Variants in KTN1 observed in about 807,000 individuals in gnomAD.
KTN1 encodes the protein kinectin.
A neutral mutation model predicts 222.5 loss-of-function variants in KTN1; 130 were observed. The observed-to-expected ratio is 0.58, with a 90% CI of 0.51 to 0.68. The LOEUF (loss-of-function observed/expected upper bound fraction) is 0.68, where lower values mean the gene tolerates loss of function less well. Among genes scored for constraint, KTN1 ranks in the 30% least tolerant of loss-of-function variants. The pLI, the probability that KTN1 is intolerant of heterozygous loss-of-function variation, is 0.00. For missense variants in KTN1, 1,508 were observed against 1,500.4 expected (o/e 1.01, Z -0.08); for synonymous variants, 512 against 496.3 (o/e 1.03, Z -0.42).
intron 18 of KTN1, among the ~76,000 whole-genome samples, chr14:55,645,384 C>T (rs576667602): frequency 6.6e-6 from 1 of 152,144 alleles, no homozygotes; most frequent in Non-Finnish European, 1.5e-5. Context: ...GAACCTGATG[C>T]AGCATGTGGG....
intron 33 of KTN1, 32 bp from the exon 34 acceptor site, chr14:55,667,209 G>T (rs774141667): frequency 3.2e-6 from 4 of 1,243,514 alleles, no homozygotes; most frequent in South Asian, 2.6e-5. Flanking sequence ...CTGTGATCTT[G>T]TAAGTTTGAT....
chr14:55,636,601 C>A, intron 10 of KTN1, 65 bp downstream of exon 10: 1 of 1,169,938 alleles, frequency 8.5e-7, no homozygotes, highest in Non-Finnish European at 1.2e-6. Context: ...CTCTCTCTTC[C>A]ATCTGTGAAG....
intron 41 of KTN1, among the ~76,000 whole-genome samples, chr14:55,677,473 TAAAAAAAAAAA>T (rs72424779): frequency 0.34 from 33,694 of 98,390 alleles, 4,221 homozygotes; most frequent in East Asian, 0.42. Flanking sequence ...AAAGACTGTC[TAAAAAAAAAAA>T]AAAAAAAAAA....
intron 5 of KTN1, among the ~76,000 whole-genome samples, chr14:55,621,303 C>T (rs1405081264): frequency 9.7e-6 from 1 of 103,288 alleles, no homozygotes; most frequent in Non-Finnish European, 1.8e-5. Flanking sequence ...CAAACTGTTC[C>T]AGCTCTGCCT....
At position 55,586,696 on chromosome 14, in the gene KTN1, A is replaced by G. The variant is rs556686646; in HGVS notation, c.-31+6342A>G. ...TTATAAGGATCCCCCTCCCCCCCAT[A>G]GGAATTAGAAGATTAATTCTTAAAA... On this transcript the variant is annotated intron_variant, in intron 1 of 43. Transcript: ENST00000395314. Among the ~76,000 whole-genome samples the G allele has an allele frequency of 1.1e-4, 16 of 152,192 alleles. No homozygotes were observed. In the South Asian group the frequency reaches 2.1e-3, roughly 20 times the overall value.
intron 2 of KTN1, among the ~76,000 whole-genome samples, chr14:55,614,564 CTT>C (rs1443771078): frequency 6.6e-6 from 1 of 152,086 alleles, no homozygotes; most frequent in African/African-American, 2.4e-5. Context: ...ACCAAGAACA[CTT>C]TTTGCATTTT....
rs758580975 is a variant in KTN1 at position 55,672,999 on chromosome 14, C to T, written c.3674C>T (p.Thr1225Ile). The change falls in exon 39 of 44, where the codon ACA becomes ATA. Residue 1225 changes from threonine to isoleucine, a missense_variant. Coordinates refer to ENST00000395314, the MANE Select transcript of KTN1 (RefSeq NM_001079521.2). ...GAGATGGAACGATCTACCTATGTTA[C>T]AGAAGTCAGAGAGGTACTTACAACA... ...KAEMERSTYVTEVRELKDLLT... is the reference protein window; with the variant it reads ...KAEMERSTYVIEVRELKDLLT... 3.1e-6 allele frequency: 5 copies of T among 1,611,060 alleles called. No individual in the cohort carries two copies. The East Asian group carries it at 1.1e-4, about 36-fold the overall frequency.
intron 14 of KTN1, 33 bp from the exon 15 acceptor site, chr14:55,640,341 A>T: frequency 7.5e-7 from 1 of 1,341,258 alleles, no homozygotes; most frequent in Non-Finnish European, 1.1e-6. Context: ...CAGTTGTATT[A>T]AGTATTTTAA....
intron 22 of KTN1, among the ~76,000 whole-genome samples, 195 bp downstream of exon 22, chr14:55,650,008 C>CA (rs543381605): frequency 1.2e-4 from 17 of 143,136 alleles, no homozygotes; most frequent in East Asian, 6.2e-4. Context: ...AAAAAAAAAA[C>CA]AAAAAAAAAC....
In KTN1 at chr14:55,633,354, A is replaced by G. The variant is rs761844779; in HGVS notation, c.1328+13A>G. On this transcript the variant is annotated intron_variant, in intron 8 of 43. Transcript: ENST00000395314. ...AACTGGAAAGCAAGTATGTTTCCAAATACCTTATTTTTTAATTGAATGGCA... is the reference window on the plus strand; with the variant it reads ...AACTGGAAAGCAAGTATGTTTCCAAGTACCTTATTTTTTAATTGAATGGCA... The G allele has an allele frequency of 1.4e-6, 2 of 1,423,554 alleles. No homozygotes were observed. The highest frequency in any genetic ancestry group is 1.9e-6 in the Non-Finnish European group (2 of 1,044,796). 88.2% of individuals were successfully genotyped at this position (1,423,554 alleles called of 1,614,324 possible). A position where few individuals can be genotyped will look rare whatever the true frequency, so the allele number is the denominator to read the frequency against.
intron 5 of KTN1, among the ~76,000 whole-genome samples, chr14:55,623,601 G>A (rs2039432949): frequency 6.6e-6 from 1 of 152,198 alleles, no homozygotes; most frequent in African/African-American, 2.4e-5. Flanking sequence ...AAGGTCCTGA[G>A]CTCAATCAGT....
Position 55,637,250 on chromosome 14 carries a change from T to A in KTN1, c.1602T>A (p.Ser534Arg). The A allele has an allele frequency of 6.2e-7, 1 of 1,611,406 alleles. No individual in the cohort carries two copies. The highest frequency in any genetic ancestry group is 8.5e-7 in the Non-Finnish European group (1 of 1,178,154). Residue 534 changes from serine to arginine, a missense_variant, in exon 11 of 44, where the codon AGT (serine) becomes AGA (arginine). By Grantham distance (110) the Ser-to-Arg change is moderately radical. Coordinates refer to ENST00000395314, the MANE Select transcript of KTN1 (RefSeq NM_001079521.2). ...AAAATGAAGTACAGAGTCTGCATAG[T>A]AAGCTTACAGATACCTTGGTATCAA... ...AKENEVQSLH[S>R]KLTDTLVSKQ...
At position 55,619,231 on chromosome 14, in the gene KTN1, G is replaced by GA. The variant is rs1237421978; in HGVS notation, c.883dup (p.Met295AsnfsTer4). 6.2e-7 allele frequency: 1 copy of GA among 1,607,984 alleles called. No individual in the cohort carries two copies. ...ATTTTCTTCTGTCCTTGAAGACTAT[G>GA]ATGTTTTCTGAAGATGAGGCTCTTT... On this transcript the variant is annotated frameshift_variant, in exon 5 of 44. Transcript: ENST00000395314. LOFTEE classifies it high-confidence loss of function.
At chr14:55,585,187 A>G (rs915138072) in intron 1 of KTN1, among the ~76,000 whole-genome samples, 4 of 151,002 alleles carry the variant, frequency 2.6e-5, no homozygotes, top group East Asian at 1.9e-4. Context: ...TGGATAACTC[A>G]TTATTGGATA....
At chr14:55,640,586 T>A in intron 15 of KTN1, 144 bp downstream of exon 15, 1 of 631,130 alleles carries the variant, frequency 1.6e-6, no homozygotes, top group South Asian at 2.2e-5. Context: ...TTGATGTTAC[T>A]GTTTTTATGT....
Position 55,680,666 on chromosome 14 carries a change from A to C in KTN1, c.4069+981A>C, listed in dbSNP as rs759961379. The C allele has an allele frequency of 1.4e-5, 19 of 1,354,470 alleles. No homozygotes were observed. The Admixed American group carries it at 2.3e-4, about 16-fold the overall frequency. The allele number at this position is 1,354,470 out of a possible 1,614,324, so 83.9% of individuals were successfully genotyped here. On this transcript the variant is annotated intron_variant, in intron 43 of 43. Transcript: ENST00000395314. ...TGGACTTCCATTTTGATCTTACAGG[A>C]GCGTTTTGTCTCACTTTAGAGTGAT... is the stretch of plus-strand genomic sequence containing the variant.
At chr14:55,650,448 G>A in intron 23 of KTN1, 30 bp downstream of exon 23, 1 of 1,565,328 alleles carries the variant, frequency 6.4e-7, no homozygotes. Context: ...TGTGTTTTAT[G>A]TTTTTGTTTA....
intron 5 of KTN1, among the ~76,000 whole-genome samples, chr14:55,620,022 T>G (rs12433592): frequency 0.23 from 33,681 of 149,374 alleles, 4,255 homozygotes; most frequent in East Asian, 0.37. Context: ...CTAGATACAG[T>G]GGTAGGCATT....
At chr14:55,640,295 T>C in intron 14 of KTN1, 79 bp from the exon 15 acceptor site, 1 of 1,002,664 alleles carries the variant, frequency 1.0e-6, no homozygotes, top group Non-Finnish European at 1.5e-6. Context: ...TTTGCTTAAC[T>C]CTTTTGTAGA....
Sources: allele counts gnomAD v4.1 joint callset (sites outside exome capture counted in the v4.1 genomes callset), GRCh38; gene constraint gnomAD v4.1.1; transcripts MANE v1.5; gene names NCBI Gene and HGNC (gene_info 2026-07-23, HGNC 2026-07-21).